Variants in LRGUK observed in about 807,000 individuals in gnomAD.
LRGUK encodes the protein leucine-rich repeat and guanylate kinase domain-containing protein.
Under a neutral mutation model 76.0 loss-of-function variants are expected in LRGUK, and 65 were observed. The ratio of observed to expected loss-of-function variants is 0.85; its 90% CI spans 0.70 to 1.05. The LOEUF is 1.05. Among genes scored for constraint, LRGUK ranks in the 50% least tolerant of loss-of-function variants. LRGUK has a pLI of 0.00. For missense variants in LRGUK, 758 were observed against 732.8 expected (o/e 1.03, Z -0.40); for synonymous variants, 268 against 265.6 (o/e 1.01, Z -0.09).
At chr7:134,258,297 C>T (rs750348362) in exon 19 of LRGUK, 24 of 1,613,940 alleles carry the variant, frequency 1.5e-5, no homozygotes, top group South Asian at 1.2e-4. Context: ...TTCATTGTTT[C>T]GGTTCTGTCC....
At chr7:134,214,362 G>A (rs1356294233), downstream of LRGUK, among the ~76,000 whole-genome samples, 1 of 152,134 alleles carries the variant, frequency 6.6e-6, no homozygotes, top group Non-Finnish European at 1.5e-5. Context: ...ACAATTTTCT[G>A]TCAAAGCCTT....
At chr7:134,269,634 G>A in the LRGUK span, among the ~76,000 whole-genome samples, 2 of 152,118 alleles carry the variant, frequency 1.3e-5, no homozygotes, top group South Asian at 4.1e-4. Flanking sequence ...ACAGGTGTAA[G>A]CCACTGTGCC....
chr7:134,194,589 G>T (rs763422648), intron 12 of LRGUK, among the ~76,000 whole-genome samples: 11 of 151,996 alleles, frequency 7.2e-5, no homozygotes, highest in Non-Finnish European at 1.3e-4. Flanking sequence ...AAAAAATAAA[G>T]AATTAGCCTG....
chr7:134,139,634 ATAT>A, intron 3 of LRGUK, 117 bp downstream of exon 3: 1 of 636,522 alleles, frequency 1.6e-6, no homozygotes, highest in Non-Finnish European at 2.6e-6. Context: ...ATCAATTTAC[ATAT>A]TGATCCTTTG....
At chr7:134,131,050 C>G (rs958418983) in intron 1 of LRGUK, among the ~76,000 whole-genome samples, 5 of 152,132 alleles carry the variant, frequency 3.3e-5, no homozygotes, top group Non-Finnish European at 5.9e-5. Context: ...ATTAATTTAG[C>G]CTTCATTGAA....
chr7:134,248,978 T>C, exon 18 of LRGUK: 1 of 1,561,930 alleles, frequency 6.4e-7, no homozygotes, highest in South Asian at 1.2e-5. Context: ...CTCTCACCAG[T>C]GGTCTACACT....
chr7:134,191,598 T>C (rs181749514), intron 11 of LRGUK, 57 bp from the exon 12 acceptor site: 2 of 1,134,504 alleles, frequency 1.8e-6, no homozygotes, highest in Non-Finnish European at 2.6e-6. Context: ...ATTGAAACCT[T>C]TTCCATTTTG....
rs1473412791 is a variant in LRGUK at position 134,203,820 on chromosome 7, G to GT, written c.1843+2245dup. Among the ~76,000 whole-genome samples the GT allele has an allele frequency of 5.3e-5, 8 of 152,310 alleles. No homozygotes were observed. In the East Asian group the frequency reaches 1.2e-3, roughly 22 times the overall value. On this transcript the variant is annotated intron_variant, in intron 15 of 15. Coordinates refer to ENST00000645682, the Ensembl canonical transcript of LRGUK. ...AAAGCCATCTCTATGGAGAAGGGCT[G>GT]TGAGTGTATCTAATGAGGCTTCTGT...
intron 5 of LRGUK, among the ~76,000 whole-genome samples, chr7:134,149,718 G>A (rs1237750319): frequency 6.6e-6 from 1 of 152,130 alleles, no homozygotes; most frequent in Non-Finnish European, 1.5e-5. Flanking sequence ...GCATATCTCT[G>A]TAGAACCTTC....
chr7:134,144,400 AAGT>A (rs148743971), intron 4 of LRGUK, among the ~76,000 whole-genome samples: 19,627 of 152,076 alleles, frequency 0.13, 1,570 homozygotes, highest in East Asian at 0.32. Flanking sequence ...CAGCCTCCCA[AAGT>A]GCTAGGATTA....
chr7:134,189,235 A>C (rs1007727453), intron 11 of LRGUK, among the ~76,000 whole-genome samples: 1 of 152,240 alleles, frequency 6.6e-6, no homozygotes, highest in Non-Finnish European at 1.5e-5. Context: ...TTAGTAAATA[A>C]TGAATATGTG....
At chr7:134,142,198 C>T (rs1417520181) in intron 3 of LRGUK, among the ~76,000 whole-genome samples, 2 of 152,040 alleles carry the variant, frequency 1.3e-5, no homozygotes, top group African/African-American at 2.4e-5. Context: ...GAATCTAGAA[C>T]GAGGAGAGAG....
At chr7:134,243,400 T>C (rs1264618772) in intron 16 of LRGUK, among the ~76,000 whole-genome samples, 5 of 152,186 alleles carry the variant, frequency 3.3e-5, no homozygotes, top group Non-Finnish European at 7.3e-5. Context: ...AGCATTCCTA[T>C]ACACCAATAA....
At chr7:134,235,806 T>A (rs1802000127) in intron 16 of LRGUK, among the ~76,000 whole-genome samples, 1 of 152,178 alleles carries the variant, frequency 6.6e-6, no homozygotes. Flanking sequence ...TCTGAGTCAT[T>A]TTCTTATCTG....
At position 134,137,885 on chromosome 7, in the gene LRGUK, A is replaced by G. The variant is rs181637702; in HGVS notation, c.405+755A>G. Among the ~76,000 whole-genome samples the G allele has an allele frequency of 3.9e-3, 592 of 152,132 alleles. 4 individuals are homozygous for G. The highest frequency in any genetic ancestry group is 6.8e-3 in the Middle Eastern group (2 of 294). On this transcript the variant is annotated intron_variant, in intron 2 of 15. Transcript: ENST00000645682. ...AAAAAACGCACATTGAAATTTTACCATGGCACCATGATTTGGCGAAAGGGT... is the reference window on the plus strand; with the variant it reads ...AAAAAACGCACATTGAAATTTTACCGTGGCACCATGATTTGGCGAAAGGGT...
intron 4 of LRGUK, among the ~76,000 whole-genome samples, chr7:134,147,476 G>A (rs1485168971): frequency 6.6e-6 from 1 of 151,742 alleles, no homozygotes; most frequent in East Asian, 1.9e-4. Context: ...GAGTAGCATG[G>A]GACAATATAT....
At chr7:134,134,739 T>G (rs1272176684) in intron 1 of LRGUK, among the ~76,000 whole-genome samples, 1 of 152,224 alleles carries the variant, frequency 6.6e-6, no homozygotes, top group Admixed American at 6.5e-5. Context: ...CCTTGTATAA[T>G]AAATTAGAAC....
intron 7 of LRGUK, among the ~76,000 whole-genome samples, chr7:134,170,880 T>C (rs932053504): frequency 6.6e-6 from 1 of 152,198 alleles, no homozygotes; most frequent in African/African-American, 2.4e-5. Flanking sequence ...GAAGTATGCA[T>C]TCGGTTCCAT....
chr7:134,266,864 A>C (rs1458960019), downstream of LRGUK, among the ~76,000 whole-genome samples: 1 of 152,236 alleles, frequency 6.6e-6, no homozygotes, highest in Non-Finnish European at 1.5e-5. Context: ...ACACTACTGA[A>C]AACCAAAAAC....
Sources: allele counts gnomAD v4.1 joint callset (sites outside exome capture counted in the v4.1 genomes callset), GRCh38; gene constraint gnomAD v4.1.1; transcripts MANE v1.5; gene names NCBI Gene and HGNC (gene_info 2026-07-23, HGNC 2026-07-21).